Variants in IL2RB observed in about 807,000 individuals in gnomAD.
The protein encoded by IL2RB is interleukin 2 receptor subunit beta, also known as interleukin-2 receptor subunit beta.
IL2RB carries 17 observed loss-of-function variants against 44.2 expected under a neutral mutation model. The observed-to-expected ratio is 0.38, with a 90% CI of 0.26 to 0.58. The LOEUF (loss-of-function observed/expected upper bound fraction) is 0.58. IL2RB is among the 20% of genes least tolerant of loss of function. IL2RB has a pLI of 0.63. For synonymous variants in IL2RB, 286 were observed against 297.9 expected (o/e 0.96, Z 0.41); for missense variants, 624 against 685.5 (o/e 0.91, Z 1.00).
chr22:37,153,133 C>T (rs1922558869), upstream of IL2RB, among the ~76,000 whole-genome samples: 1 of 152,026 alleles, frequency 6.6e-6, no homozygotes, highest in Non-Finnish European at 1.5e-5. Flanking sequence ...CGGGGTTTCC[C>T]CATGTTGGCC....
chr22:37,135,880 C>T (rs1921665198), intron 7 of IL2RB, among the ~76,000 whole-genome samples: 1 of 152,214 alleles, frequency 6.6e-6, no homozygotes, highest in Admixed American at 6.5e-5. Flanking sequence ...ACGCCTTCCT[C>T]ACAGCAGCTC....
In IL2RB at chr22:37,135,059, C is replaced by T. The variant is rs3218357; in HGVS notation, c.818+269G>A. ...AGGGCTGCACCTCCCACCTTCCCCTCGGGTTGGTTCCACAGGGCCCCCCTG... is the reference window on the plus strand; with the variant it reads ...AGGGCTGCACCTCCCACCTTCCCCTTGGGTTGGTTCCACAGGGCCCCCCTG... On this transcript the variant is annotated intron_variant, in intron 8 of 9. Coordinates refer to ENST00000216223, the MANE Select transcript of IL2RB (RefSeq NM_000878.5). Among the ~76,000 whole-genome samples, 337 of 152,274 alleles carry T rather than the reference C, an allele frequency of 2.2e-3. 1 individual carries two copies. Among genetic ancestry groups the T allele is most frequent in the Non-Finnish European group, 3.8e-3 (260 of 68,016 alleles).
In IL2RB at chr22:37,128,188, A is replaced by G; in HGVS notation, c.1564T>C (p.Phe522Leu). The G allele has an allele frequency of 6.5e-7, 1 of 1,537,740 alleles. No homozygotes were observed. The highest frequency in any genetic ancestry group is 1.3e-5 in the South Asian group (1 of 77,660). ...GGCAGGCGAGCATTAAGGGCCCTGA[A>G]CTCCCCCTGCCCAGGAGGCCTGGAC... The part of the protein sequence containing the change: ...PWSRPPGQGE[F>L]RALNARLPLN... Residue 522 changes from phenylalanine (F) to leucine (L), a missense_variant, in exon 10 of 10, where the codon TTC (phenylalanine) becomes CTC (leucine). Physicochemically the swap from Phe to Leu is conservative, Grantham distance 22 (BLOSUM62 0). Around this residue, in one of 3 missense-constraint regions of IL2RB, gnomAD observed 291 missense variants for 275.5 expected, o/e 1.06. Transcript: ENST00000216223. The surrounding 1 kb of genome is among the most constrained non-coding windows in gnomAD (Gnocchi z 4.5).
intron 8 of IL2RB, 64 bp from the exon 9 acceptor site, chr22:37,132,532 C>T (rs531217450): frequency 1.8e-5 from 22 of 1,220,704 alleles, no homozygotes; most frequent in Middle Eastern, 2.0e-4. Context: ...GTTATGCCAT[C>T]GGCACCACAG....
Position 37,136,338 on chromosome 22 carries a change from AGC to A in IL2RB, c.591_592del (p.Leu198HisfsTer7), listed in dbSNP as rs758275711. 8 of 1,612,820 alleles carry A rather than the reference AGC, an allele frequency of 5.0e-6. No homozygotes were observed. The highest frequency in any genetic ancestry group is 5.9e-6 in the Non-Finnish European group (7 of 1,179,644). On this transcript the variant is annotated frameshift_variant, in exon 7 of 10. Coordinates refer to ENST00000216223, the MANE Select transcript of IL2RB (RefSeq NM_000878.5). LOFTEE classifies it high-confidence loss of function. ...AAACTCATACTGGGTGTCTGGGGTG[AGC>A]GTCTCCAGGCAGATCCATTCCTGCT...
At chr22:37,148,804 T>A (rs532828766) in intron 1 of IL2RB, among the ~76,000 whole-genome samples, 36 of 152,138 alleles carry the variant, frequency 2.4e-4, no homozygotes, top group Admixed American at 5.9e-4. Flanking sequence ...TTGAACCTGG[T>A]CAGGTGCAGT....
At chr22:37,131,702 G>A (rs773562607) in intron 9 of IL2RB, among the ~76,000 whole-genome samples, 4 of 151,912 alleles carry the variant, frequency 2.6e-5, no homozygotes, top group African/African-American at 7.3e-5. Context: ...GGTCCTGTTC[G>A]TTCAGCACAC....
intron 7 of IL2RB, 33 bp from the exon 8 acceptor site, chr22:37,135,475 G>T (rs369493031): frequency 2.9e-5 from 42 of 1,441,862 alleles, no homozygotes; most frequent in Non-Finnish European, 3.9e-5. Context: ...GCAAGGAGAG[G>T]GGTTAGAGAA....
rs773974796 is a variant in IL2RB, at chr22:37,128,712, G to A, written c.1040C>T (p.Ala347Val). The change falls in exon 10 of 10, where the codon GCA (alanine) becomes GTA (valine). Residue 347 changes from alanine to valine, a missense_variant. Ala to Val is a moderately conservative substitution (Grantham distance 64, BLOSUM62 0). Around this residue, in one of 3 missense-constraint regions of IL2RB, gnomAD observed 291 missense variants for 275.5 expected, o/e 1.06. Transcript: ENST00000216223. The surrounding 1 kb of genome is among the most constrained non-coding windows in gnomAD (Gnocchi z 4.5). The stretch of plus-strand genomic sequence containing the variant: ...CAGCGAGTGGTTGCTGCTTAAGGAT[G>A]CGGGCTCAGGCACCTTGTCCTGCTG... ...LLQQDKVPEP[A>V]SLSSNHSLTS... The A allele has an allele frequency of 2.5e-6, 4 of 1,614,194 alleles. No homozygotes were observed. Among genetic ancestry groups the A allele is most frequent in the Middle Eastern group, 1.7e-4 (1 of 6,060 alleles).
upstream of IL2RB, among the ~76,000 whole-genome samples, chr22:37,150,888 G>A (rs1387439806): frequency 6.6e-6 from 1 of 152,178 alleles, no homozygotes; most frequent in Non-Finnish European, 1.5e-5. Flanking sequence ...CAAACATGTG[G>A]TTGCAAAGAC....
chr22:37,132,377 C>A lies in IL2RB; in HGVS notation c.903+7G>T, dbSNP rs994320748. On this transcript the variant is annotated splice_region_variant and intron_variant, in intron 9 of 9. Transcript: ENST00000216223. ...CCCACCTCTGTCTCCCCGCCCCGGC[C>A]TCCTACCTGGACGTCTCCTCCATGC... 6.2e-7 allele frequency: 1 copy of A among 1,613,272 alleles called. No homozygotes were observed. The highest frequency in any genetic ancestry group is 8.5e-7 in the Non-Finnish European group (1 of 1,179,382).
At chr22:37,163,553 A>G (rs1415193896) in intron 1 of IL2RB, among the ~76,000 whole-genome samples, 1 of 152,194 alleles carries the variant, frequency 6.6e-6, no homozygotes, top group Non-Finnish European at 1.5e-5. Flanking sequence ...CTCTTCCAGG[A>G]AAGTCATCCT....
At chr22:37,173,657 A>G (rs1923360691) in intron 1 of IL2RB, among the ~76,000 whole-genome samples, 1 of 152,218 alleles carries the variant, frequency 6.6e-6, no homozygotes, top group African/African-American at 2.4e-5. Flanking sequence ...AAACTGAGGC[A>G]CAGAGAGTTT....
chr22:37,136,788 A>C, intron 6 of IL2RB, among the ~76,000 whole-genome samples: 1 of 151,648 alleles, frequency 6.6e-6, no homozygotes, highest in East Asian at 1.9e-4. Flanking sequence ...CACCTCTCCC[A>C]CCCTGGGTCA....
chr22:37,173,169 T>C (rs1923344929), intron 1 of IL2RB, among the ~76,000 whole-genome samples: 1 of 152,154 alleles, frequency 6.6e-6, no homozygotes, highest in Non-Finnish European at 1.5e-5. Context: ...GCTATGTCTC[T>C]CATCTTTGGG....
intron 4 of IL2RB, among the ~76,000 whole-genome samples, chr22:37,140,769 A>T (rs1389191501): frequency 6.6e-6 from 1 of 152,198 alleles, no homozygotes; most frequent in Non-Finnish European, 1.5e-5. Flanking sequence ...TCATATGGAC[A>T]TGGCCATATG....
chr22:37,158,254 G>T (rs948075707), intron 1 of IL2RB, among the ~76,000 whole-genome samples: 2 of 152,294 alleles, frequency 1.3e-5, no homozygotes, highest in Middle Eastern at 3.4e-3. Flanking sequence ...GCTATGCCAA[G>T]ATAGGAAGGG....
intron 2 of IL2RB, 46 bp from the exon 3 acceptor site, chr22:37,143,681 G>GC (rs769018203): frequency 5.5e-5 from 75 of 1,357,462 alleles, no homozygotes; most frequent in Admixed American, 3.9e-4. Flanking sequence ...GGTGCCCACA[G>GC]CCCCCCCAAG....
upstream of IL2RB, among the ~76,000 whole-genome samples, chr22:37,152,272 G>C (rs6000585): frequency 0.036 from 5,454 of 152,126 alleles, 311 homozygotes; most frequent in African/African-American, 0.12. Context: ...TTTCATTATA[G>C]AGATCTTTCA....
Sources: gnomAD v4.1 joint callset for allele counts (sites outside exome capture counted in the v4.1 genomes callset) on GRCh38, gnomAD v4.1.1 for gene constraint, gnomAD v4.1.1 regional missense constraint, Gnocchi (gnomAD v3.1) non-coding constraint, MANE v1.5 for transcripts, NCBI Gene and HGNC (gene_info 2026-07-23, HGNC 2026-07-21) for gene names.